Variants in PREP observed in about 807,000 individuals in gnomAD.
PREP encodes dJ355L5.1 (prolyl endopeptidase).
Under a neutral mutation model 87.6 loss-of-function variants are expected in PREP, and 29 were observed. The ratio of observed to expected loss-of-function variants is 0.33; its 90% CI spans 0.25 to 0.45. The LOEUF is 0.45. PREP is among the 20% of genes least tolerant of loss of function. PREP has a pLI of 1.00. For missense variants in PREP, 695 were observed against 886.5 expected (o/e 0.78, Z 2.74); for synonymous variants, 337 against 328.6 (o/e 1.03, Z -0.28).
chr6:105,387,603 G>A (rs563359717), intron 2 of PREP, among the ~76,000 whole-genome samples: 1 of 113,770 alleles, frequency 8.8e-6, no homozygotes, highest in South Asian at 2.6e-4. Context: ...GATAGCTGAT[G>A]AGCTAAAAAA....
At chr6:105,327,830 CTAACTGA>C (rs1376051137) in intron 9 of PREP, among the ~76,000 whole-genome samples, 3 of 152,190 alleles carry the variant, frequency 2.0e-5, no homozygotes, top group African/African-American at 7.2e-5. Context: ...CTGCAAACTG[CTAACTGA>C]GCCAGACTCC....
chr6:105,285,574 G>A lies in PREP; in HGVS notation c.1461C>T (p.Ser487=). The A allele has an allele frequency of 6.2e-7, 1 of 1,613,556 alleles. No individual in the cohort carries two copies. Among genetic ancestry groups the A allele is most frequent in the Non-Finnish European group, 8.5e-7 (1 of 1,179,548 alleles). ...NISITPNYSV[S]RLIFVRHMGG... is the part of the protein sequence containing the mutation. ...CCATGTGTCTCACAAAAATAAGCCTGGAAACACTGAGAAGCAGTAAAAACA... is the reference window on the plus strand; with the variant it reads ...CCATGTGTCTCACAAAAATAAGCCTAGAAACACTGAGAAGCAGTAAAAACA... Residue 487 remains serine, a synonymous_variant, in exon 12 of 15, where the codon TCC becomes TCT. Coordinates refer to ENST00000652536, the MANE Select transcript of PREP (RefSeq NM_002726.5).
intron 7 of PREP, among the ~76,000 whole-genome samples, chr6:105,339,978 A>T (rs1275208503): frequency 6.6e-6 from 1 of 152,220 alleles, no homozygotes; most frequent in Non-Finnish European, 1.5e-5. Context: ...GCAGGATATT[A>T]TCCAGGAGAA....
chr6:105,330,211 A>G (rs1771289299), intron 8 of PREP, among the ~76,000 whole-genome samples: 1 of 152,222 alleles, frequency 6.6e-6, no homozygotes. Context: ...AGGGCAACAT[A>G]AAGATGGCAT....
chr6:105,362,646 G>C (rs1336381501), intron 6 of PREP, among the ~76,000 whole-genome samples: 1 of 152,168 alleles, frequency 6.6e-6, no homozygotes, highest in Non-Finnish European at 1.5e-5. Context: ...TCTCTAGCTT[G>C]GCTTTCTGAC....
intron 10 of PREP, among the ~76,000 whole-genome samples, chr6:105,295,173 T>TTTA (rs748166561): frequency 8.0e-5 from 8 of 100,308 alleles, no homozygotes; most frequent in African/African-American, 2.7e-4. Flanking sequence ...TTTTTTTTTT[T>TTTA]ATTTCTGACA....
At chr6:105,377,552 AAATATAAAATTTTC>A in intron 2 of PREP, 33 bp from the exon 3 acceptor site, 1 of 1,602,762 alleles carries the variant, frequency 6.2e-7, no homozygotes, top group South Asian at 1.1e-5. Flanking sequence ...AAAGCAAGTT[AAATATAAAATTTTC>A]CATGTGAAAT....
intron 5 of PREP, among the ~76,000 whole-genome samples, chr6:105,372,982 G>C (rs929353015): frequency 6.6e-6 from 1 of 152,154 alleles, no homozygotes; most frequent in South Asian, 2.1e-4. Flanking sequence ...TCAGCTCCCC[G>C]TCTTGCAATT....
chr6:105,308,484 TTC>T (rs1349661724), intron 10 of PREP, among the ~76,000 whole-genome samples: 1 of 152,172 alleles, frequency 6.6e-6, no homozygotes, highest in African/African-American at 2.4e-5. Flanking sequence ...TAGTATAATT[TTC>T]TGTTTTGGTT....
At chr6:105,359,494 G>A (rs558153947) in intron 6 of PREP, among the ~76,000 whole-genome samples, 2 of 152,256 alleles carry the variant, frequency 1.3e-5, no homozygotes, top group East Asian at 1.9e-4. Flanking sequence ...ATGTTATCTG[G>A]TACAGAGAGC....
chr6:105,380,846 CG>C (rs1466144835), intron 2 of PREP, among the ~76,000 whole-genome samples: 1 of 152,140 alleles, frequency 6.6e-6, no homozygotes, highest in Non-Finnish European at 1.5e-5. Flanking sequence ...CTTAGGCCCA[CG>C]GTGGGTCCAA....
chr6:105,374,655 T>C (rs1772642287), intron 4 of PREP, among the ~76,000 whole-genome samples: 4 of 39,204 alleles, frequency 1.0e-4, no homozygotes, highest in Non-Finnish European at 1.7e-4. Context: ...TATATATATA[T>C]ATATATATAT....
chr6:105,349,523 G>C (rs1350953587), intron 7 of PREP, among the ~76,000 whole-genome samples: 1 of 152,120 alleles, frequency 6.6e-6, no homozygotes, highest in Non-Finnish European at 1.5e-5. Context: ...CACGTGGGCA[G>C]GTTTTCTTGG....
In PREP at chr6:105,288,948, G is replaced by T. The variant is rs549084897; in HGVS notation, c.1318-54C>A. The T allele has an allele frequency of 9.7e-4, 1,495 of 1,543,780 alleles. 33 individuals are homozygous for T. In the South Asian group the frequency reaches 0.016, roughly 16 times the overall value. On this transcript the variant is annotated intron_variant, in intron 10 of 14. Transcript: ENST00000652536. Reference sequence around the variant, plus strand: ...TTTAGCATTACTTAGTAGATACTGCGTGCTTTTAAATGGGAAAAATAGTAA... The same window carrying T: ...TTTAGCATTACTTAGTAGATACTGCTTGCTTTTAAATGGGAAAAATAGTAA...
intron 7 of PREP, among the ~76,000 whole-genome samples, chr6:105,342,658 T>C (rs555511311): frequency 6.6e-6 from 1 of 152,218 alleles, no homozygotes; most frequent in Non-Finnish European, 1.5e-5. Flanking sequence ...CAAAACCTCC[T>C]TAAGCTGATA....
chr6:105,291,203 A>G (rs145203713), intron 10 of PREP, among the ~76,000 whole-genome samples: 287 of 152,328 alleles, frequency 1.9e-3, no homozygotes, highest in African/African-American at 6.6e-3. Context: ...CTTCGTGTGG[A>G]TGGCTACTGA....
intron 2 of PREP, among the ~76,000 whole-genome samples, chr6:105,380,846 C>T (rs754118456): frequency 7.9e-5 from 12 of 152,140 alleles, no homozygotes; most frequent in Non-Finnish European, 1.8e-4. Flanking sequence ...CTTAGGCCCA[C>T]GGTGGGTCCA....
rs1772465162 is a variant in PREP at position 105,368,906 on chromosome 6, A to C, written c.714T>G (p.Ala238=). Residue 238 remains alanine (A), a synonymous_variant, in exon 6 of 15, where the codon GCT becomes GCG. Coordinates refer to ENST00000652536, the MANE Select transcript of PREP (RefSeq NM_002726.5). The part of the protein sequence containing the change: ...FPDEPKWMGG[A]ELSDDGRYVL... The stretch of plus-strand genomic sequence containing the variant: ...AAATTTCACAGCTGTACAATACCTC[A>C]GCTCCACCCATCCATTTAGGTTCAT... The C allele has an allele frequency of 6.2e-7, 1 of 1,613,866 alleles. No homozygotes were observed. Among genetic ancestry groups the C allele is most frequent in the Admixed American group, 1.7e-5 (1 of 60,002 alleles).
At chr6:105,313,419 A>G (rs1448180863) in intron 10 of PREP, among the ~76,000 whole-genome samples, 2 of 152,218 alleles carry the variant, frequency 1.3e-5, no homozygotes, top group Non-Finnish European at 2.9e-5. Flanking sequence ...AGAAAGCCAA[A>G]AACAGTTGAG....
Sources: gnomAD v4.1 joint callset for allele counts (sites outside exome capture counted in the v4.1 genomes callset) on GRCh38, gnomAD v4.1.1 for gene constraint, MANE v1.5 for transcripts, NCBI Gene and HGNC (gene_info 2026-07-23, HGNC 2026-07-21) for gene names.